Variants in PAPSS2 observed in about 807,000 individuals in gnomAD.
The protein encoded by PAPSS2 is bifunctional 3'-phosphoadenosine 5'-phosphosulfate synthase 2.
Under a neutral mutation model 66.5 loss-of-function variants are expected in PAPSS2, and 61 were observed. The ratio of observed to expected loss-of-function variants is 0.92; its 90% confidence interval spans 0.75 to 1.14. The LOEUF is 1.14. Ranked by LOEUF, PAPSS2 falls within the 50% of genes most tolerant of loss-of-function variation. The pLI is 0.00. For synonymous variants in PAPSS2, 289 were observed against 287.5 expected (o/e 1.01, Z -0.05); for missense variants, 708 against 789.6 (o/e 0.90, Z 1.24).
At chr10:87,699,514 G>T (rs1315071945) in intron 1 of PAPSS2, among the ~76,000 whole-genome samples, 1 of 152,170 alleles carries the variant, frequency 6.6e-6, no homozygotes, top group East Asian at 1.9e-4. Context: ...TGTTTTACAG[G>T]ACTCACTTGT....
chr10:87,733,602 C>T (rs141802125), intron 9 of PAPSS2, among the ~76,000 whole-genome samples: 1 of 152,264 alleles, frequency 6.6e-6, no homozygotes, highest in Non-Finnish European at 1.5e-5. Flanking sequence ...ACAGAATCAC[C>T]TGAGGAGCTT....
At chr10:87,691,495 A>C (rs1853170891) in intron 1 of PAPSS2, among the ~76,000 whole-genome samples, 1 of 152,136 alleles carries the variant, frequency 6.6e-6, no homozygotes, top group Admixed American at 6.5e-5. Context: ...ACTTAAAAAA[A>C]AAAAAAGGCA....
chr10:87,692,609 G>A (rs1853185603), intron 1 of PAPSS2, among the ~76,000 whole-genome samples: 1 of 152,162 alleles, frequency 6.6e-6, no homozygotes, highest in African/African-American at 2.4e-5. Context: ...AGAGATTATT[G>A]GCTGCTTGTT....
In PAPSS2 at chr10:87,746,030, A is replaced by G; in HGVS notation, c.*60A>G. On this transcript the variant is annotated 3_prime_UTR_variant, in exon 13 of 13. Coordinates refer to ENST00000456849, the MANE Select transcript of PAPSS2 (RefSeq NM_001015880.2). ...TTTGATTACCTTTTCTATTTTTATGATTAGATGCTTTGTATTAAATTGCTT... is the reference window on the plus strand; with the variant it reads ...TTTGATTACCTTTTCTATTTTTATGGTTAGATGCTTTGTATTAAATTGCTT... 6.6e-7 allele frequency: 1 copy of G among 1,509,548 alleles called. No individual in the cohort carries two copies. Among genetic ancestry groups the G allele is most frequent in the Non-Finnish European group, 9.2e-7 (1 of 1,086,540 alleles). The allele number at this position is 1,509,548 out of a possible 1,614,324, so 93.5% of individuals were successfully genotyped here. A position where few individuals can be genotyped will look rare whatever the true frequency, so the allele number is the denominator to read the frequency against.
At chr10:87,689,686 A>C (rs549212202) in intron 1 of PAPSS2, among the ~76,000 whole-genome samples, 1 of 150,712 alleles carries the variant, frequency 6.6e-6, no homozygotes, top group Admixed American at 6.6e-5. Context: ...AAAAAAAGAA[A>C]AAAAAAAAGA....
rs1328760287 is a variant in PAPSS2 at position 87,747,528 on chromosome 10, A to G, written c.*1558A>G. 6.6e-6 allele frequency: 1 copy of G among 152,624 alleles called. No homozygotes were observed. Among genetic ancestry groups the G allele is most frequent in the Non-Finnish European group, 1.5e-5 (1 of 68,044 alleles). The allele number at this position is 152,624 out of a possible 1,614,324, so 9.5% of individuals were successfully genotyped here. A position where few individuals can be genotyped will look rare whatever the true frequency, so the allele number is the denominator to read the frequency against. On this transcript the variant is annotated 3_prime_UTR_variant, in exon 13 of 13. Transcript: ENST00000456849. Reference sequence around the variant, plus strand: ...TACTCACTACTGCCTTTAAAAAAAAAAACCAGCATATTTATTGAAAACATG... The same window carrying G: ...TACTCACTACTGCCTTTAAAAAAAAGAACCAGCATATTTATTGAAAACATG...
At chr10:87,711,875 C>T (rs1189386472) in intron 2 of PAPSS2, among the ~76,000 whole-genome samples, 2 of 151,952 alleles carry the variant, frequency 1.3e-5, no homozygotes, top group African/African-American at 2.4e-5. Flanking sequence ...AAGGTGCTGT[C>T]GGACAGAGGC....
intron 1 of PAPSS2, chr10:87,704,018 G>A (rs1853351357): frequency 4.0e-6 from 2 of 504,364 alleles, no homozygotes; most frequent in Non-Finnish European, 4.0e-6. Flanking sequence ...TTGGCAGAGA[G>A]TACAGCTTTC....
intron 1 of PAPSS2, among the ~76,000 whole-genome samples, chr10:87,669,577 C>T (rs1008827666): frequency 6.6e-6 from 1 of 152,150 alleles, no homozygotes; most frequent in African/African-American, 2.4e-5. Flanking sequence ...CAAATAAAGC[C>T]TAGACATTAA....
In PAPSS2 at chr10:87,671,846, G is replaced by A. The variant is rs117948801; in HGVS notation, c.27+11838G>A. 7.2e-4 allele frequency among the ~76,000 whole-genome samples: 109 copies of A among 152,018 alleles called. 4 individuals carry two copies. In the East Asian group the frequency reaches 0.014, roughly 19 times the overall value. On this transcript the variant is annotated intron_variant, in intron 1 of 12. Transcript: ENST00000456849. ...ACCAACAGGGCTAGTGTTAGGAGGGGCAGCTGAGACCTGGGTTGAACACTG... is the reference window on the plus strand; with the variant it reads ...ACCAACAGGGCTAGTGTTAGGAGGGACAGCTGAGACCTGGGTTGAACACTG...
chr10:87,665,968 C>T (rs116970912), intron 1 of PAPSS2, among the ~76,000 whole-genome samples: 7 of 140,766 alleles, frequency 5.0e-5, no homozygotes, highest in Admixed American at 2.1e-4. Context: ...ATTTTTTTTT[C>T]TTTTTTTTTT....
chr10:87,660,325 T>G, intron 1 of PAPSS2: 1 of 535,998 alleles, frequency 1.9e-6, no homozygotes, highest in East Asian at 3.2e-5. Context: ...GAAATCCCCT[T>G]TCTTTCCCAA....
intron 9 of PAPSS2, among the ~76,000 whole-genome samples, chr10:87,733,931 C>T (rs566526621): frequency 2.2e-4 from 34 of 152,058 alleles, no homozygotes; most frequent in African/African-American, 7.7e-4. Context: ...ATTCTTGCTT[C>T]TCTCTTCTCC....
At chr10:87,661,919 G>A (rs1411342234) in intron 1 of PAPSS2, among the ~76,000 whole-genome samples, 2 of 152,138 alleles carry the variant, frequency 1.3e-5, no homozygotes, top group Non-Finnish European at 2.9e-5. Flanking sequence ...GGGCTAGATA[G>A]GTACTATCGG....
intron 7 of PAPSS2, among the ~76,000 whole-genome samples, chr10:87,719,684 G>A (rs907778178): frequency 3.3e-5 from 5 of 152,080 alleles, no homozygotes; most frequent in Non-Finnish European, 7.4e-5. Context: ...GCACAGATAC[G>A]ATGTTCGTCA....
chr10:87,718,133 C>T (rs1195976475), intron 7 of PAPSS2, among the ~76,000 whole-genome samples: 1 of 151,938 alleles, frequency 6.6e-6, no homozygotes, highest in African/African-American at 2.4e-5. Context: ...ACCTCTGCCT[C>T]CCGGGTTCAA....
chr10:87,739,555 C>G (rs1392046770), intron 9 of PAPSS2, among the ~76,000 whole-genome samples: 3 of 152,200 alleles, frequency 2.0e-5, no homozygotes, highest in Non-Finnish European at 1.5e-5. Flanking sequence ...TAAGATACAT[C>G]AGACTGTATT....
intron 1 of PAPSS2, among the ~76,000 whole-genome samples, chr10:87,681,046 A>C (rs1297528767): frequency 6.6e-6 from 1 of 152,086 alleles, no homozygotes; most frequent in Non-Finnish European, 1.5e-5. Context: ...ATGTCTGGAG[A>C]TCTTTTTCTA....
In PAPSS2 at chr10:87,721,771, G is replaced by T; in HGVS notation, c.880+1G>T. On this transcript the variant is annotated splice_donor_variant, in intron 8 of 12. Transcript: ENST00000456849. LOFTEE classifies it high-confidence loss of function. ...ATTTCCCTAGGCATGGCCCTTCCTG[G>T]TATGTACTTTAACTTTCCAAGTAGC... is the stretch of plus-strand genomic sequence containing the variant. 6.6e-7 allele frequency: 1 copy of T among 1,515,632 alleles called. No individual in the cohort carries two copies. The highest frequency in any genetic ancestry group is 1.2e-5 in the South Asian group (1 of 80,274). 93.9% of individuals were successfully genotyped at this position (1,515,632 alleles called of 1,614,324 possible).
Sources: gnomAD v4.1 joint callset for allele counts (sites outside exome capture counted in the v4.1 genomes callset) on GRCh38, gnomAD v4.1.1 for gene constraint, MANE v1.5 for transcripts, NCBI Gene and HGNC (gene_info 2026-07-23, HGNC 2026-07-21) for gene names.